The following RAD51B variants were observed in gnomAD, a reference collection of about 807,000 sequenced individuals.
The protein encoded by RAD51B is DNA repair protein RAD51 homolog 2.
RAD51B carries 38 observed loss-of-function variants against 42.2 expected under a neutral mutation model. That is an observed-to-expected ratio of 0.90 (90% CI 0.70 to 1.18). The LOEUF (loss-of-function observed/expected upper bound fraction) is 1.18. RAD51B is among the 50% of genes most tolerant of loss of function. The pLI is 0.00. For synonymous variants in RAD51B, 154 were observed against 145.2 expected, an observed-to-expected ratio of 1.06 and a Z score of -0.43; for missense variants, 373 against 400.7, an observed-to-expected ratio of 0.93 and a Z score of 0.59.
At chr14:68,326,150 C>G (rs2082248771) in intron 8 of RAD51B, among the ~76,000 whole-genome samples, 1 of 149,202 alleles carries the variant, frequency 6.7e-6, no homozygotes, top group South Asian at 2.1e-4. Flanking sequence ...AAGCAATTCT[C>G]CTGTCTCAGC....
chr14:67,995,493 T>C (rs1443091310), intron 7 of RAD51B, among the ~76,000 whole-genome samples: 1 of 152,192 alleles, frequency 6.6e-6, no homozygotes, highest in East Asian at 1.9e-4. Context: ...TAGGATCTTT[T>C]TCTCACACAT....
chr14:68,070,307 T>A (rs1288448601), intron 7 of RAD51B, among the ~76,000 whole-genome samples: 1 of 152,136 alleles, frequency 6.6e-6, no homozygotes, highest in African/African-American at 2.4e-5. Context: ...TCGATTTTTG[T>A]TTTTGTTGCA....
intron 9 of RAD51B, among the ~76,000 whole-genome samples, chr14:68,433,117 G>A (rs2085055284): frequency 6.6e-6 from 1 of 152,208 alleles, no homozygotes; most frequent in East Asian, 1.9e-4. Flanking sequence ...TGAGAGATCA[G>A]CTGTTAGTTT....
intron 10 of RAD51B, among the ~76,000 whole-genome samples, chr14:68,640,040 G>C (rs1892424647): frequency 6.6e-6 from 1 of 152,128 alleles, no homozygotes; most frequent in South Asian, 2.1e-4. Context: ...GACCTCAAGT[G>C]ATCCACCCAC....
chr14:68,529,522 AG>A (rs1887142800), intron 10 of RAD51B, among the ~76,000 whole-genome samples: 1 of 152,210 alleles, frequency 6.6e-6, no homozygotes, highest in African/African-American at 2.4e-5. Flanking sequence ...AGGAAACTGT[AG>A]GTCTATGGAG....
At chr14:68,095,278 C>G (rs894409879) in intron 7 of RAD51B, among the ~76,000 whole-genome samples, 8 of 151,812 alleles carry the variant, frequency 5.3e-5, no homozygotes, top group East Asian at 1.9e-4. Flanking sequence ...GACTAATTAC[C>G]TGCAACTGAA....
chr14:68,616,389 G>A (rs1329362477), downstream of RAD51B, among the ~76,000 whole-genome samples: 1 of 152,096 alleles, frequency 6.6e-6, no homozygotes, highest in African/African-American at 2.4e-5. Flanking sequence ...GTATCATTCA[G>A]TATATCAAAG....
rs533101823 is a variant in RAD51B at position 68,540,341 on chromosome 14, C to T, written c.1037-54144C>T. 483 of 1,049,964 alleles carry T rather than the reference C, an allele frequency of 4.6e-4. 1 individual carries two copies. The highest frequency in any genetic ancestry group is 3.0e-3 in the Middle Eastern group (7 of 2,302). 65.0% of individuals were successfully genotyped at this position (1,049,964 alleles called of 1,614,324 possible). On this transcript the variant is annotated intron_variant, in intron 10 of 10. Transcript: ENST00000487270. ...TGGATCATCAGACCTCTTCTAGCTACGAATCCTTGACAATTGAGATAAGGT... is the reference window on the plus strand; with the variant it reads ...TGGATCATCAGACCTCTTCTAGCTATGAATCCTTGACAATTGAGATAAGGT...
chr14:68,213,713 C>T (rs1566733966), intron 7 of RAD51B, among the ~76,000 whole-genome samples: 1 of 152,104 alleles, frequency 6.6e-6, no homozygotes, highest in Admixed American at 6.6e-5. Flanking sequence ...AGTCCATGTC[C>T]AGAGTACTAG....
At chr14:68,225,558 G>A (rs1420875697) in intron 7 of RAD51B, among the ~76,000 whole-genome samples, 3 of 152,184 alleles carry the variant, frequency 2.0e-5, no homozygotes, top group Non-Finnish European at 2.9e-5. Context: ...TTGCTGGTCC[G>A]TATTTAGAAC....
chr14:68,020,797 A>C (rs529250455), intron 7 of RAD51B, among the ~76,000 whole-genome samples: 1 of 152,350 alleles, frequency 6.6e-6, no homozygotes, highest in African/African-American at 2.4e-5. Context: ...GATTGTTTAC[A>C]AAAAGGAGAT....
At chr14:68,405,489 G>A (rs1486724673) in intron 8 of RAD51B, among the ~76,000 whole-genome samples, 7 of 151,882 alleles carry the variant, frequency 4.6e-5, no homozygotes, top group Admixed American at 4.6e-4. Context: ...AACTTTCAAG[G>A]CCTTGCTGTT....
intron 10 of RAD51B, among the ~76,000 whole-genome samples, chr14:68,508,266 T>C (rs988055210): frequency 1.2e-4 from 18 of 152,166 alleles, no homozygotes; most frequent in Non-Finnish European, 4.4e-5. Context: ...TCTAGTCACT[T>C]GGAGACCTCT....
rs944046296 is a variant in RAD51B at position 68,453,883 on chromosome 14, T to C, written c.958-14289T>C. 2.6e-5 allele frequency among the ~76,000 whole-genome samples: 4 copies of C among 152,274 alleles called. No individual in the cohort carries two copies. The South Asian group carries it at 8.3e-4, about 32-fold the overall frequency. The stretch of plus-strand genomic sequence containing the variant: ...TTGAAAACCAAGGATCACCAGACTT[T>C]GGAAAATGCCTCTCATAGCAAGGAG... On this transcript the variant is annotated intron_variant, in intron 9 of 10. Transcript: ENST00000471583.
chr14:67,834,800 A>G (rs921424001), intron 3 of RAD51B, among the ~76,000 whole-genome samples: 2 of 152,080 alleles, frequency 1.3e-5, no homozygotes, highest in African/African-American at 4.8e-5. Context: ...AATATCTCTT[A>G]TTAATTGTGT....
At chr14:68,129,933 C>T (rs1006656153) in intron 7 of RAD51B, 1 of 152,176 alleles carries the variant, frequency 6.6e-6, no homozygotes, top group African/African-American at 2.4e-5. Flanking sequence ...TGCGGTGTAA[C>T]CACAAACTTA....
chr14:68,665,776 T>C (rs1370968948), intron 11 of RAD51B, among the ~76,000 whole-genome samples: 1 of 152,188 alleles, frequency 6.6e-6, no homozygotes, highest in East Asian at 1.9e-4. Context: ...TCAGCACCCG[T>C]CCACTCTCTT....
At chr14:68,545,136 G>A (rs939139441) in intron 10 of RAD51B, among the ~76,000 whole-genome samples, 6 of 152,222 alleles carry the variant, frequency 3.9e-5, no homozygotes, top group African/African-American at 1.4e-4. Flanking sequence ...CTGTTCAGAT[G>A]GATAAGGGCA....
intron 11 of RAD51B, among the ~76,000 whole-genome samples, chr14:68,669,371 C>T (rs1398384850): frequency 2.0e-5 from 3 of 152,238 alleles, no homozygotes; most frequent in Non-Finnish European, 4.4e-5. Flanking sequence ...CTCCAGAGCA[C>T]GTAGGCCACA....
Sources: allele counts gnomAD v4.1 joint callset (sites outside exome capture counted in the v4.1 genomes callset), GRCh38; gene constraint gnomAD v4.1.1; transcripts MANE v1.5; gene names NCBI Gene and HGNC (gene_info 2026-07-23, HGNC 2026-07-21).